Variants in TMC7 observed in about 807,000 individuals in gnomAD.
The protein encoded by TMC7 is transmembrane channel like 7.
TMC7 carries 54 observed loss-of-function variants against 82.9 expected under a neutral mutation model. That is an observed-to-expected ratio of 0.65 (90% confidence interval 0.52 to 0.82). The LOEUF is 0.82. Among genes scored for constraint, TMC7 ranks in the 40% least tolerant of loss-of-function variants. TMC7 has a pLI of 0.00. For missense variants in TMC7, 820 were observed against 901.2 expected (o/e 0.91, Z 1.15); for synonymous variants, 350 against 337.9 (o/e 1.04, Z -0.39).
At position 19,044,880 on chromosome 16, in the gene TMC7, G is replaced by T; in HGVS notation, c.1338-4G>T. 1 of 1,596,406 alleles carries T rather than the reference G, an allele frequency of 6.3e-7. No individual in the cohort carries two copies. Among genetic ancestry groups the T allele is most frequent in the Non-Finnish European group, 8.6e-7 (1 of 1,169,324 alleles). On this transcript the variant is annotated splice_polypyrimidine_tract_variant and splice_region_variant and intron_variant, in intron 9 of 15. Coordinates refer to ENST00000304381, the MANE Select transcript of TMC7 (RefSeq NM_024847.4). ...TCCCATCCTCTCTCCTTCTCTCCCC[G>T]AAGGTGTGTCTTTATGCGGCTGGCC...
chr16:19,028,901 G>A (rs979180983), intron 5 of TMC7, among the ~76,000 whole-genome samples: 2 of 151,912 alleles, frequency 1.3e-5, no homozygotes, highest in African/African-American at 2.4e-5. Flanking sequence ...TGATCCACCC[G>A]CCTCGGCCTC....
intron 8 of TMC7, among the ~76,000 whole-genome samples, chr16:19,038,547 C>G (rs1286737415): frequency 6.6e-6 from 1 of 151,404 alleles, no homozygotes; most frequent in Non-Finnish European, 1.5e-5. Context: ...GACAGAGTCT[C>G]ACTCTGTCGC....
chr16:19,040,534 G>A (rs1049525958), intron 9 of TMC7, 88 bp downstream of exon 9: 2 of 1,265,122 alleles, frequency 1.6e-6, no homozygotes, highest in Non-Finnish European at 2.2e-6. Context: ...CTAATCAATT[G>A]TAGTGCATTT....
At chr16:18,986,846 C>T (rs2038859343) in intron 1 of TMC7, among the ~76,000 whole-genome samples, 2 of 151,820 alleles carry the variant, frequency 1.3e-5, no homozygotes, top group African/African-American at 4.8e-5. Context: ...ACTCTGTCGC[C>T]CAGGCTGAAG....
intron 12 of TMC7, chr16:19,049,518 G>T: frequency 1.7e-6 from 1 of 588,726 alleles, no homozygotes. Context: ...AGAATGTTCT[G>T]ATGCTTTCAC....
At chr16:19,015,868 G>C (rs771593366) in intron 2 of TMC7, among the ~76,000 whole-genome samples, 3 of 151,912 alleles carry the variant, frequency 2.0e-5, no homozygotes, top group Non-Finnish European at 4.4e-5. Flanking sequence ...GAGCCACCAC[G>C]CCCAGCCTCA....
At chr16:19,021,975 C>T (rs1960000483) in intron 4 of TMC7, among the ~76,000 whole-genome samples, 179 bp downstream of exon 4, 1 of 152,146 alleles carries the variant, frequency 6.6e-6, no homozygotes, top group Admixed American at 6.5e-5. Context: ...TGTGGAATAA[C>T]AGCATGCAGG....
rs746142102 is a variant in TMC7 at position 18,983,961 on chromosome 16, G to C, written c.-103G>C. On this transcript the variant is annotated 5_prime_UTR_variant, in exon 1 of 16. Transcript: ENST00000304381. ...TCCGGCTTCTGTGATGTCAGCGCCG[G>C]AACCTGGAATCCCGGCTCCGCGAGG... The C allele has an allele frequency of 1.6e-6, 2 of 1,252,760 alleles. No homozygotes were observed. Among genetic ancestry groups the C allele is most frequent in the Admixed American group, 8.1e-5 (2 of 24,570 alleles). 77.6% of individuals were successfully genotyped at this position (1,252,760 alleles called of 1,614,324 possible). A position where few individuals can be genotyped will look rare whatever the true frequency, so the allele number is the denominator to read the frequency against.
intron 11 of TMC7, among the ~76,000 whole-genome samples, chr16:19,045,925 C>T (rs1213557092): frequency 6.6e-6 from 1 of 151,908 alleles, no homozygotes; most frequent in Non-Finnish European, 1.5e-5. Flanking sequence ...GAGAGGGGCT[C>T]TTGCTATGTT....
At chr16:18,985,101 G>C (rs2038821864) in intron 1 of TMC7, among the ~76,000 whole-genome samples, 1 of 151,976 alleles carries the variant, frequency 6.6e-6, no homozygotes, top group African/African-American at 2.4e-5. Flanking sequence ...CTCTACTGAA[G>C]ATACAAAAAT....
At chr16:19,041,372 CTT>C (rs201698759) in intron 9 of TMC7, among the ~76,000 whole-genome samples, 1 of 147,488 alleles carries the variant, frequency 6.8e-6, no homozygotes, top group Non-Finnish European at 1.5e-5. Flanking sequence ...TTCATTATAC[CTT>C]TTTTTTTTTG....
intron 1 of TMC7, among the ~76,000 whole-genome samples, chr16:18,997,913 T>C (rs1026057494): frequency 4.0e-5 from 6 of 151,840 alleles, no homozygotes; most frequent in African/African-American, 1.2e-4. Context: ...TTTTGTATTT[T>C]AGTAGAGACG....
At chr16:19,055,219 AC>A (rs1046875029) in intron 13 of TMC7, among the ~76,000 whole-genome samples, 9 of 152,260 alleles carry the variant, frequency 5.9e-5, no homozygotes, top group African/African-American at 2.2e-4. Context: ...ACTGCTAAAT[AC>A]TTTAGTGTGC....
intron 2 of TMC7, among the ~76,000 whole-genome samples, chr16:19,016,150 G>A (rs1959677181): frequency 6.6e-6 from 1 of 151,964 alleles, no homozygotes; most frequent in African/African-American, 2.4e-5. Context: ...AGGCTGGAGT[G>A]CAATGGCACC....
Position 19,012,815 on chromosome 16 carries a change from A to G in TMC7, c.311+3400A>G, listed in dbSNP as rs1360389165. ...AAAAAAAAAAAAAAAAAAAAAAAAA[A>G]AAAGAAAGTGGCAAAGAAAAGGACA... On this transcript the variant is annotated intron_variant, in intron 2 of 15. Coordinates refer to ENST00000304381, the MANE Select transcript of TMC7 (RefSeq NM_024847.4). Among the ~76,000 whole-genome samples, 51 of 122,874 alleles carry G rather than the reference A, an allele frequency of 4.2e-4. 1 individual carries two copies. The highest frequency in any genetic ancestry group is 8.6e-5 in the Admixed American group (1 of 11,562). The allele number at this position is 122,874 out of a possible 152,430, so 80.6% of individuals were successfully genotyped here. A position where few individuals can be genotyped will look rare whatever the true frequency, so the allele number is the denominator to read the frequency against.
intron 9 of TMC7, among the ~76,000 whole-genome samples, chr16:19,041,909 G>T (rs1156266125): frequency 6.6e-6 from 1 of 152,040 alleles, no homozygotes; most frequent in Non-Finnish European, 1.5e-5. Flanking sequence ...GAAGAAACTG[G>T]ATCATTTTCC....
intron 4 of TMC7, 63 bp from the exon 5 acceptor site, chr16:19,023,050 A>T: frequency 9.8e-7 from 1 of 1,025,522 alleles, no homozygotes; most frequent in Non-Finnish European, 1.5e-6. Flanking sequence ...CAAACAAAAA[A>T]ACCAGGCAGG....
chr16:19,056,479 G>T (rs147244100), intron 13 of TMC7, 63 bp from the exon 14 acceptor site: 1 of 1,554,860 alleles, frequency 6.4e-7, no homozygotes, highest in Admixed American at 1.9e-5. Flanking sequence ...TGGGTGTACA[G>T]GGGCGGGACA....
intron 2 of TMC7, among the ~76,000 whole-genome samples, chr16:19,014,130 T>C (rs1959544819): frequency 6.6e-6 from 1 of 152,002 alleles, no homozygotes; most frequent in African/African-American, 2.4e-5. Context: ...CCTCCCAAAG[T>C]GCTGGGATTA....
Sources: gnomAD v4.1 joint callset for allele counts (sites outside exome capture counted in the v4.1 genomes callset) on GRCh38, gnomAD v4.1.1 for gene constraint, MANE v1.5 for transcripts, NCBI Gene and HGNC (gene_info 2026-07-23, HGNC 2026-07-21) for gene names.